YAP1: variants seen among roughly 807,000 people sequenced by gnomAD.
YAP1 encodes transcriptional coactivator YAP1.
Under a neutral mutation model 56.9 loss-of-function variants are expected in YAP1, and 5 were observed. That is an observed-to-expected ratio of 0.09 (90% CI 0.05 to 0.18). The LOEUF is 0.18. YAP1 is among the 10% of genes least tolerant of loss of function. The pLI is 1.00. For missense variants in YAP1, 539 were observed against 651.8 expected (o/e 0.83, Z 1.88); for synonymous variants, 265 against 248.1 (o/e 1.07, Z -0.64).
In YAP1 at chr11:102,175,413, T is replaced by C. The variant is rs544055656; in HGVS notation, c.689-10605T>C. On this transcript the variant is annotated intron_variant, in intron 3 of 8. Coordinates refer to ENST00000282441, the MANE Select transcript of YAP1 (RefSeq NM_001130145.3). ...AGACCTCGTCTCAAAAAAAAACTTA[T>C]TTCTTTTACCAAAACTTGATGTATA... 4.7e-5 allele frequency among the ~76,000 whole-genome samples: 7 copies of C among 148,704 alleles called. 1 individual carries two copies. The South Asian group carries it at 1.2e-3, about 26-fold the overall frequency.
chr11:102,219,100 T>C (rs879384139), intron 6 of YAP1, among the ~76,000 whole-genome samples: 3 of 152,244 alleles, frequency 2.0e-5, no homozygotes, highest in Non-Finnish European at 2.9e-5. Flanking sequence ...GGAGCATACC[T>C]TCTTTGATAA....
intron 4 of YAP1, among the ~76,000 whole-genome samples, chr11:102,196,583 G>A (rs995833734): frequency 6.6e-6 from 1 of 151,666 alleles, no homozygotes; most frequent in African/African-American, 2.4e-5. Context: ...GTAGTGAACT[G>A]CTAATGGATA....
intron 3 of YAP1, among the ~76,000 whole-genome samples, chr11:102,175,799 T>G (rs1947211393): frequency 6.6e-6 from 1 of 152,224 alleles, no homozygotes; most frequent in East Asian, 1.9e-4. Flanking sequence ...TAACATTACC[T>G]TATGACAGCC....
chr11:102,218,610 C>CT (rs1260185805), intron 6 of YAP1, among the ~76,000 whole-genome samples: 6 of 152,114 alleles, frequency 3.9e-5, no homozygotes, highest in African/African-American at 1.4e-4. Context: ...AGTAAAGTGT[C>CT]TTTTTTTCAT....
chr11:102,173,266 A>C (rs1198708901), intron 3 of YAP1, among the ~76,000 whole-genome samples: 1 of 152,200 alleles, frequency 6.6e-6, no homozygotes, highest in Non-Finnish European at 1.5e-5. Flanking sequence ...GATGATGAGC[A>C]ATGAGACTGA....
intron 3 of YAP1, among the ~76,000 whole-genome samples, chr11:102,173,771 C>T (rs1416983365): frequency 6.6e-6 from 1 of 152,158 alleles, no homozygotes; most frequent in Admixed American, 6.5e-5. Context: ...ACTATACTGT[C>T]TTTCTGGAGT....
chr11:102,184,895 T>C lies in YAP1; in HGVS notation c.689-1123T>C, dbSNP rs995367127. On this transcript the variant is annotated intron_variant, in intron 3 of 8. Transcript: ENST00000282441. ...TTCCTGGTACTAACTAGCTTTGGGA[T>C]CTTGTACCAGACTGATCAACCTGGC... is the stretch of plus-strand genomic sequence containing the variant. Among the ~76,000 whole-genome samples the C allele has an allele frequency of 2.0e-5, 3 of 152,218 alleles. No homozygotes were observed. The East Asian group carries it at 5.8e-4, about 29-fold the overall frequency.
chr11:102,182,125 G>A (rs1947661967), intron 3 of YAP1, among the ~76,000 whole-genome samples: 1 of 152,072 alleles, frequency 6.6e-6, no homozygotes, highest in Admixed American at 6.6e-5. Flanking sequence ...GGCCCTAAGT[G>A]GTTGTTTTAA....
At chr11:102,212,388 T>C (rs920052415) in intron 6 of YAP1, among the ~76,000 whole-genome samples, 4 of 152,080 alleles carry the variant, frequency 2.6e-5, no homozygotes, top group Admixed American at 6.6e-5. Flanking sequence ...TCAGTATGGG[T>C]GAGGTTAATG....
At chr11:102,125,345 C>T (rs1360463704) in intron 2 of YAP1, among the ~76,000 whole-genome samples, 1 of 145,372 alleles carries the variant, frequency 6.9e-6, no homozygotes, top group Non-Finnish European at 1.5e-5. Flanking sequence ...TCCCAAAAAG[C>T]TATTTCTCAT....
At chr11:102,128,947 A>ACCTC (rs1053130472) in intron 2 of YAP1, among the ~76,000 whole-genome samples, 1 of 112,742 alleles carries the variant, frequency 8.9e-6, no homozygotes. Flanking sequence ...TTCCTTTTTT[A>ACCTC]CCTCCCTCCC....
intron 2 of YAP1, among the ~76,000 whole-genome samples, chr11:102,141,412 A>G (rs529792901): frequency 7.9e-5 from 12 of 152,324 alleles, no homozygotes; most frequent in East Asian, 3.9e-4. Flanking sequence ...ATTGAGAGCA[A>G]TGCAGTCCCT....
At position 102,231,941 on chromosome 11, in the gene YAP1, T is replaced by C. The variant is rs1018677802; in HGVS notation, c.*2001T>C. The stretch of plus-strand genomic sequence containing the variant: ...TAAGTACTTTCAGTGCTCAAAAAAA[T>C]GCAATCACTGTGTTGTATATAATAG... On this transcript the variant is annotated 3_prime_UTR_variant, in exon 9 of 9. Coordinates refer to ENST00000282441, the MANE Select transcript of YAP1 (RefSeq NM_001130145.3). The C allele has an allele frequency of 6.5e-6, 1 of 152,678 alleles. No homozygotes were observed. The highest frequency in any genetic ancestry group is 2.1e-4 in the South Asian group (1 of 4,830). The allele number at this position is 152,678 out of a possible 1,614,324, so 9.5% of individuals were successfully genotyped here.
chr11:102,146,121 A>T (rs1945307788), intron 2 of YAP1, among the ~76,000 whole-genome samples: 4 of 152,226 alleles, frequency 2.6e-5, no homozygotes. Flanking sequence ...ACGATGACCT[A>T]CAGATTAAGG....
At chr11:102,146,036 G>T in intron 2 of YAP1, among the ~76,000 whole-genome samples, 1 of 152,200 alleles carries the variant, frequency 6.6e-6, no homozygotes, top group Non-Finnish European at 1.5e-5. Flanking sequence ...AGTTAAGTCA[G>T]AATGTCAAGG....
At chr11:102,113,461 T>G (rs1308015765) in intron 1 of YAP1, among the ~76,000 whole-genome samples, 3 of 152,228 alleles carry the variant, frequency 2.0e-5, no homozygotes, top group Non-Finnish European at 1.5e-5. Flanking sequence ...TATAGAGTTG[T>G]GGATGTGTGT....
intron 1 of YAP1, chr11:102,112,493 A>G: frequency 1.0e-6 from 1 of 982,392 alleles, no homozygotes; most frequent in Non-Finnish European, 1.2e-6. Context: ...TTTGCCCAAA[A>G]GTTAATAGGT....
intron 6 of YAP1, among the ~76,000 whole-genome samples, chr11:102,214,237 G>A (rs971299694): frequency 2.0e-5 from 3 of 152,186 alleles, no homozygotes; most frequent in East Asian, 1.9e-4. Flanking sequence ...GCTTCAATCT[G>A]TATAGAAATT....
chr11:102,130,184 A>G (rs1171196238), intron 2 of YAP1, among the ~76,000 whole-genome samples: 3 of 152,134 alleles, frequency 2.0e-5, no homozygotes, highest in South Asian at 2.1e-4. Context: ...AAAAAATTCA[A>G]TATTTTTCTG....
Sources: gnomAD v4.1 joint callset for allele counts (sites outside exome capture counted in the v4.1 genomes callset) on GRCh38, gnomAD v4.1.1 for gene constraint, MANE v1.5 for transcripts, NCBI Gene and HGNC (gene_info 2026-07-23, HGNC 2026-07-21) for gene names.